Variants in SDK1 observed in about 807,000 individuals in gnomAD.
The protein encoded by SDK1 is sidekick cell adhesion molecule 1.
A neutral mutation model predicts 245.5 loss-of-function variants in SDK1; 157 were observed. The ratio of observed to expected loss-of-function variants is 0.64; its 90% CI spans 0.56 to 0.73. The LOEUF (loss-of-function observed/expected upper bound fraction) is 0.73, where lower values mean the gene tolerates loss of function less well. Among genes scored for constraint, SDK1 ranks in the 30% least tolerant of loss-of-function variants. The pLI is 0.00. For missense variants in SDK1, 3,583 were observed against 3,002.3 expected, an observed-to-expected ratio of 1.19 and a Z score of -4.52; for synonymous variants, 1,647 against 1,278.5, an observed-to-expected ratio of 1.29 and a Z score of -6.15.
At chr7:3,451,864 T>A (rs1780525895) in intron 1 of SDK1, among the ~76,000 whole-genome samples, 2 of 152,238 alleles carry the variant, frequency 1.3e-5, no homozygotes, top group Admixed American at 1.3e-4. Context: ...CTTAGAGAAG[T>A]GTATGCAGGT....
At chr7:3,582,583 A>G (rs1192361325) in intron 1 of SDK1, among the ~76,000 whole-genome samples, 1 of 150,022 alleles carries the variant, frequency 6.7e-6, no homozygotes, top group Non-Finnish European at 1.5e-5. Context: ...ATTGGGTACT[A>G]GGCTTTGTAC....
intron 1 of SDK1, among the ~76,000 whole-genome samples, chr7:3,326,118 G>A (rs768607575): frequency 6.6e-6 from 1 of 152,100 alleles, no homozygotes; most frequent in South Asian, 2.1e-4. Flanking sequence ...TAATGGCTTA[G>A]TGTTTATAAA....
intron 4 of SDK1, among the ~76,000 whole-genome samples, chr7:3,689,914 A>G (rs1303436189): frequency 3.3e-5 from 5 of 152,252 alleles, no homozygotes; most frequent in Middle Eastern, 3.2e-3. Flanking sequence ...ATGTGTGTCT[A>G]TTGCAAACAA....
At chr7:3,455,653 A>T (rs61264007) in intron 1 of SDK1, among the ~76,000 whole-genome samples, 3 of 151,790 alleles carry the variant, frequency 2.0e-5, no homozygotes, top group Admixed American at 2.0e-4. Flanking sequence ...CTCTTCCTCC[A>T]CCGATACCAC....
At chr7:3,950,797 G>T in intron 5 of SDK1, 126 bp from the exon 6 acceptor site, 1 of 663,162 alleles carries the variant, frequency 1.5e-6, no homozygotes, top group Non-Finnish European at 2.7e-6. Flanking sequence ...ATTTGTGTCT[G>T]TAGGGATTGG....
In SDK1 at chr7:4,264,997, G is replaced by A. The variant is rs920044238; in HGVS notation, c.6382-127G>A. On this transcript the variant is annotated intron_variant, in intron 44 of 44. Transcript: ENST00000404826. ...GGAGGGCCTGGCATTGGGTTGGGGT[G>A]GGGAGAGGGCTGGAGACCGCGACAC... The A allele has an allele frequency of 1.4e-5, 20 of 1,410,574 alleles. No individual in the cohort carries two copies. The East Asian group carries it at 3.3e-4, about 23-fold the overall frequency. 87.4% of individuals were successfully genotyped at this position (1,410,574 alleles called of 1,614,324 possible).
At chr7:3,655,493 A>ATGTATGTATGTATGTATGTATG (rs1275095313) in intron 4 of SDK1, among the ~76,000 whole-genome samples, 4 of 65,436 alleles carry the variant, frequency 6.1e-5, no homozygotes, top group African/African-American at 1.8e-4. Context: ...ATATATATAT[A>ATGTATGTATGTATGTATGTATG]TATATATATA....
intron 25 of SDK1, among the ~76,000 whole-genome samples, chr7:4,124,293 A>G (rs894416103): frequency 1.3e-5 from 2 of 152,294 alleles, no homozygotes; most frequent in Non-Finnish European, 2.9e-5. Flanking sequence ...GGAAGGTGGA[A>G]TCTGAGCTGG....
chr7:4,243,806 C>A (rs940494924), intron 43 of SDK1, among the ~76,000 whole-genome samples: 3 of 152,154 alleles, frequency 2.0e-5, no homozygotes, highest in Non-Finnish European at 2.9e-5. Flanking sequence ...GGAAAGGATT[C>A]TCTGCTGAGA....
chr7:4,187,531 T>C (rs906673092), intron 35 of SDK1, among the ~76,000 whole-genome samples: 3 of 152,234 alleles, frequency 2.0e-5, no homozygotes, highest in African/African-American at 7.2e-5. Flanking sequence ...TTTCCTAGTT[T>C]ATTAGGCAAG....
chr7:3,456,206 T>G (rs1780660100), intron 1 of SDK1, among the ~76,000 whole-genome samples: 1 of 152,230 alleles, frequency 6.6e-6, no homozygotes, highest in South Asian at 2.1e-4. Context: ...TCCTTGAGTT[T>G]ATTTTGTTTG....
intron 5 of SDK1, among the ~76,000 whole-genome samples, chr7:3,946,003 G>A (rs1780563985): frequency 7.1e-6 from 1 of 140,288 alleles, no homozygotes; most frequent in South Asian, 2.4e-4. Context: ...GAAGCATGTT[G>A]AATCAATCCA....
chr7:3,385,464 A>C (rs1235265945), intron 1 of SDK1, among the ~76,000 whole-genome samples: 2 of 151,872 alleles, frequency 1.3e-5, no homozygotes, highest in Non-Finnish European at 2.9e-5. Context: ...GCAGACAATA[A>C]TTTTTTTTCT....
intron 1 of SDK1, among the ~76,000 whole-genome samples, chr7:3,603,257 G>A (rs1328604951): frequency 1.3e-4 from 18 of 143,030 alleles, no homozygotes; most frequent in Admixed American, 3.6e-4. Context: ...CATTGAATCT[G>A]TAAATTACCT....
chr7:4,028,306 C>T (rs896351728), intron 17 of SDK1, among the ~76,000 whole-genome samples: 2 of 152,134 alleles, frequency 1.3e-5, no homozygotes, highest in African/African-American at 4.8e-5. Context: ...AACCATGAGC[C>T]CCACCAGCTG....
intron 1 of SDK1, among the ~76,000 whole-genome samples, chr7:3,479,246 AC>A (rs1171964250): frequency 6.6e-6 from 1 of 151,646 alleles, no homozygotes; most frequent in Non-Finnish European, 1.5e-5. Context: ...ACGTGGCAAA[AC>A]CCCGTCTCTA....
chr7:4,000,255 G>A (rs1784974456), intron 14 of SDK1, among the ~76,000 whole-genome samples: 1 of 152,184 alleles, frequency 6.6e-6, no homozygotes, highest in Non-Finnish European at 1.5e-5. Context: ...TGATGTTCTG[G>A]GGTTCAGGTT....
chr7:3,764,972 C>T (rs1297946439), intron 4 of SDK1, among the ~76,000 whole-genome samples: 1 of 152,024 alleles, frequency 6.6e-6, no homozygotes, highest in African/African-American at 2.4e-5. Context: ...GGTTTATTGT[C>T]ATTTTTAATG....
At chr7:4,071,034 T>C (rs1199063459) in intron 20 of SDK1, among the ~76,000 whole-genome samples, 4 of 151,878 alleles carry the variant, frequency 2.6e-5, no homozygotes, top group Admixed American at 1.3e-4. Flanking sequence ...TTTTTGTTTA[T>C]TTATTTTTTG....
Sources: gnomAD v4.1 joint callset for allele counts (sites outside exome capture counted in the v4.1 genomes callset) on GRCh38, gnomAD v4.1.1 for gene constraint, MANE v1.5 for transcripts, NCBI Gene and HGNC (gene_info 2026-07-23, HGNC 2026-07-21) for gene names.